The following ALDH1A3 variants were observed in gnomAD, a reference collection of about 807,000 sequenced individuals.
ALDH1A3 encodes the protein aldehyde dehydrogenase 1 family member A3.
Under a neutral mutation model 57.5 loss-of-function variants are expected in ALDH1A3, and 28 were observed. The observed-to-expected ratio is 0.49, with a 90% CI of 0.36 to 0.67. ALDH1A3 has a LOEUF of 0.67. Among genes scored for constraint, ALDH1A3 ranks in the 30% least tolerant of loss-of-function variants. The pLI is 0.00. For missense variants in ALDH1A3, 507 were observed against 669.4 expected, an observed-to-expected ratio of 0.76 and a Z score of 2.68; for synonymous variants, 281 against 264.8, an observed-to-expected ratio of 1.06 and a Z score of -0.59.
In ALDH1A3 at chr15:100,893,722, C is replaced by G; in HGVS notation, c.538-232C>G. ...AGATGTTTTAGAGGGAGAGGTAGAA[C>G]ACATGCAACAGCATCCTCTTTGCAA... On this transcript the variant is annotated intron_variant, in intron 5 of 12. Coordinates refer to ENST00000329841, the MANE Select transcript of ALDH1A3 (RefSeq NM_000693.4). This position sits in a 1 kb window ranked among gnomAD's most constrained non-coding sequence, Gnocchi z 4.8. The G allele has an allele frequency of 2.2e-6, 1 of 463,566 alleles. No individual in the cohort carries two copies. The highest frequency in any genetic ancestry group is 3.8e-6 in the Non-Finnish European group (1 of 265,870). The allele number at this position is 463,566 out of a possible 1,614,324, so 28.7% of individuals were successfully genotyped here.
At chr15:100,897,577 G>A (rs924846803) in intron 7 of ALDH1A3, among the ~76,000 whole-genome samples, 6 of 152,028 alleles carry the variant, frequency 3.9e-5, no homozygotes, top group South Asian at 2.1e-4. Context: ...CTTCTCATCC[G>A]GAAGGCTGGC....
Position 100,914,866 on chromosome 15 carries a change from G to A in ALDH1A3, c.*93G>A, listed in dbSNP as rs1467151490. On this transcript the variant is annotated 3_prime_UTR_variant, in exon 13 of 13. Coordinates refer to ENST00000329841, the MANE Select transcript of ALDH1A3 (RefSeq NM_000693.4). Reference sequence around the variant, plus strand: ...AAAAAATGACATTTCTGACCTTCCCGGGACACATTCTTCTGGAGGCTTTAC... The same window carrying A: ...AAAAAATGACATTTCTGACCTTCCCAGGACACATTCTTCTGGAGGCTTTAC... The A allele has an allele frequency of 1.2e-5, 14 of 1,179,340 alleles. No homozygotes were observed. Among genetic ancestry groups the A allele is most frequent in the African/African-American group, 9.1e-5 (6 of 66,036 alleles). 73.1% of individuals were successfully genotyped at this position (1,179,340 alleles called of 1,614,324 possible).
At position 100,907,273 on chromosome 15, in the gene ALDH1A3, G is replaced by C. The variant is rs140128387; in HGVS notation, c.1386G>C (p.Thr462=). 4 of 1,613,426 alleles carry C rather than the reference G, an allele frequency of 2.5e-6. No individual in the cohort carries two copies. In the South Asian group the frequency reaches 4.4e-5, roughly 18 times the overall value. The change falls in exon 11 of 13, where the codon ACG becomes ACC. Residue 462 remains threonine (T), a synonymous_variant. Transcript: ENST00000329841. ...LKLASALESG[T]VWINCYNALY... is the part of the protein sequence containing the mutation. ...TGGCTTCTGCCTTAGAGTCTGGAAC[G>C]GTCTGGTGAGTTGACTGTGTGTGTA...
intron 9 of ALDH1A3, among the ~76,000 whole-genome samples, chr15:100,903,667 C>T (rs1446946554): frequency 6.6e-6 from 1 of 152,210 alleles, no homozygotes. Context: ...TGTTTCTTTA[C>T]CCTTTCCAAC....
chr15:100,909,311 C>A (rs1389354970), intron 12 of ALDH1A3, among the ~76,000 whole-genome samples: 30 of 134,442 alleles, frequency 2.2e-4, no homozygotes, highest in South Asian at 5.6e-4. Flanking sequence ...AGTGTGTGAA[C>A]CCACTGCAAA....
Position 100,879,886 on chromosome 15 carries a change from G to A in ALDH1A3, c.-22G>A. 2 of 1,391,848 alleles carry A rather than the reference G, an allele frequency of 1.4e-6. No individual in the cohort carries two copies. Among genetic ancestry groups the A allele is most frequent in the Non-Finnish European group, 1.9e-6 (2 of 1,067,490 alleles). 86.2% of individuals were successfully genotyped at this position (1,391,848 alleles called of 1,614,324 possible). ...GTGCGCCGCAGACTAGGGCGCCTCG[G>A]GCCAGGGAGCGCGGAGGAGCCATGG... is the stretch of plus-strand genomic sequence containing the variant. On this transcript the variant is annotated 5_prime_UTR_variant, in exon 1 of 13. Transcript: ENST00000329841.
In ALDH1A3 at chr15:100,895,966, C is replaced by T; in HGVS notation, c.700C>T (p.Pro234Ser). Residue 234 changes from proline to serine, a missense_variant, in exon 7 of 13, where the codon CCA becomes TCA. By Grantham distance (74) the Pro-to-Ser change is moderately conservative. This residue lies in a region of ALDH1A3 where 432 missense variants were observed against 608.4 expected (regional missense o/e 0.71). Transcript: ENST00000329841. Reference sequence around the variant, plus strand: ...CCCTCCAGGAGTGGTGAACATTGTGCCAGGATTCGGGCCCACAGTGGGAGC... The same window carrying T: ...CCCTCCAGGAGTGGTGAACATTGTGTCAGGATTCGGGCCCACAGTGGGAGC... ...GFPPGVVNIV[P>S]GFGPTVGAAI... 2 of 1,613,676 alleles carry T rather than the reference C, an allele frequency of 1.2e-6. No individual in the cohort carries two copies. The highest frequency in any genetic ancestry group is 1.7e-6 in the Non-Finnish European group (2 of 1,179,826).
In ALDH1A3 at chr15:100,898,215, G is replaced by C. The variant is rs373966369; in HGVS notation, c.883+30G>C. ...GTCTCTGCCCTCCTGGGCTTTGCTG[G>C]GGCTTCAGGGCATCCATCTGTCTCC... On this transcript the variant is annotated intron_variant, in intron 8 of 12. Coordinates refer to ENST00000329841, the MANE Select transcript of ALDH1A3 (RefSeq NM_000693.4). The C allele has an allele frequency of 3.8e-6, 6 of 1,583,312 alleles. No individual in the cohort carries two copies. The African/African-American group carries it at 6.7e-5, about 18-fold the overall frequency.
At chr15:100,897,342 C>T (rs754438459) in intron 7 of ALDH1A3, among the ~76,000 whole-genome samples, 1 of 152,358 alleles carries the variant, frequency 6.6e-6, no homozygotes, top group Admixed American at 6.5e-5. Context: ...AGGATCTTCC[C>T]AGCTCTGAAG....
intron 12 of ALDH1A3, among the ~76,000 whole-genome samples, chr15:100,909,841 C>T (rs1417076199): frequency 6.6e-6 from 1 of 152,222 alleles, no homozygotes; most frequent in Admixed American, 6.5e-5. Context: ...TCAGTGTTCC[C>T]AAGGAACCAT....
In ALDH1A3 at chr15:100,892,593, C is replaced by G. The variant is rs763917270; in HGVS notation, c.429C>G (p.Tyr143Ter). 6.2e-7 allele frequency: 1 copy of G among 1,613,074 alleles called. No individual in the cohort carries two copies. The highest frequency in any genetic ancestry group is 8.5e-7 in the Non-Finnish European group (1 of 1,179,772). ...AGGGCTGTATTAGAACCCTCAGATA[C>G]TTTGCAGGGTGGGCAGACAAAATCC... The part of the protein sequence containing the change: ...DLEGCIRTLR[Y>*]FAGWADKIQG... Residue 143 changes from tyrosine to a stop codon, truncating the protein, a stop_gained, in exon 4 of 13, where the codon TAC becomes TAG. Coordinates refer to ENST00000329841, the MANE Select transcript of ALDH1A3 (RefSeq NM_000693.4). LOFTEE classifies it high-confidence loss of function.
intron 3 of ALDH1A3, among the ~76,000 whole-genome samples, chr15:100,891,186 ACT>A (rs1237474592): frequency 6.6e-6 from 1 of 152,238 alleles, no homozygotes; most frequent in Non-Finnish European, 1.5e-5. Context: ...CTCTGTGGAC[ACT>A]GACTCCTTTC....
chr15:100,910,638 G>A (rs905321937), intron 12 of ALDH1A3, among the ~76,000 whole-genome samples: 1 of 152,246 alleles, frequency 6.6e-6, no homozygotes, highest in Non-Finnish European at 1.5e-5. Context: ...ACCCACCGCA[G>A]TGCAGGACCT....
At chr15:100,900,325 A>G (rs1336826945) in intron 8 of ALDH1A3, among the ~76,000 whole-genome samples, 1 of 152,262 alleles carries the variant, frequency 6.6e-6, no homozygotes, top group Non-Finnish European at 1.5e-5. Flanking sequence ...ACTTATTAGC[A>G]TATTAAAGGT....
chr15:100,911,539 C>T (rs1275239380), intron 12 of ALDH1A3, among the ~76,000 whole-genome samples: 1 of 152,240 alleles, frequency 6.6e-6, no homozygotes, highest in African/African-American at 2.4e-5. Flanking sequence ...GCAAATACTT[C>T]TTGAGCATCT....
At chr15:100,902,229 T>C (rs1381121280) in intron 9 of ALDH1A3, among the ~76,000 whole-genome samples, 1 of 152,208 alleles carries the variant, frequency 6.6e-6, no homozygotes, top group Non-Finnish European at 1.5e-5. Context: ...TGAGGCCAGA[T>C]ACACCGATTT....
At chr15:100,886,202 CA>C (rs1363866597) in intron 2 of ALDH1A3, among the ~76,000 whole-genome samples, 2 of 152,220 alleles carry the variant, frequency 1.3e-5, no homozygotes, top group Non-Finnish European at 2.9e-5. Flanking sequence ...ACACTGGCCC[CA>C]CCTATACAGA....
chr15:100,897,510 C>A (rs2041717337), intron 7 of ALDH1A3, among the ~76,000 whole-genome samples: 1 of 151,336 alleles, frequency 6.6e-6, no homozygotes, highest in Non-Finnish European at 1.5e-5. Context: ...CACCCCTTCA[C>A]TCCCTGCCTG....
intron 3 of ALDH1A3, among the ~76,000 whole-genome samples, chr15:100,890,940 G>A (rs2041642637): frequency 6.6e-6 from 1 of 152,234 alleles, no homozygotes; most frequent in South Asian, 2.1e-4. Flanking sequence ...TATACTTGAT[G>A]TCACACTGGC....
Sources: allele counts gnomAD v4.1 joint callset (sites outside exome capture counted in the v4.1 genomes callset), GRCh38; gene constraint gnomAD v4.1.1; regional missense constraint gnomAD v4.1.1; non-coding constraint Gnocchi (gnomAD v3.1); transcripts MANE v1.5; gene names NCBI Gene and HGNC (gene_info 2026-07-23, HGNC 2026-07-21).